DIAPH3: variants seen among roughly 807,000 people sequenced by gnomAD.
DIAPH3 encodes diaphanous related formin 3, also known as protein diaphanous homolog 3.
A neutral mutation model predicts 144.3 loss-of-function variants in DIAPH3; 117 were observed. The ratio of observed to expected loss-of-function variants is 0.81; its 90% CI spans 0.70 to 0.95. The LOEUF (loss-of-function observed/expected upper bound fraction) is 0.95. DIAPH3 is among the 40% of genes least tolerant of loss of function. The pLI is 0.00. For missense variants in DIAPH3, 1,421 were observed against 1,412.7 expected (o/e 1.01, Z -0.09); for synonymous variants, 519 against 488.9 (o/e 1.06, Z -0.81).
intron 8 of DIAPH3, 43 bp from the exon 9 acceptor site, chr13:60,008,692 C>G (rs751741262): frequency 1.7e-6 from 2 of 1,206,172 alleles, no homozygotes; most frequent in Non-Finnish European, 2.5e-6. Flanking sequence ...GTAGCAAACA[C>G]AAATGCCATA....
chr13:60,013,748 A>G (rs1043902553), intron 7 of DIAPH3, among the ~76,000 whole-genome samples: 1 of 152,170 alleles, frequency 6.6e-6, no homozygotes, highest in Admixed American at 6.5e-5. Context: ...GCTAATAAAG[A>G]CTGTATAAGT....
chr13:59,820,407 T>C (rs2041005759), intron 24 of DIAPH3, among the ~76,000 whole-genome samples: 1 of 151,958 alleles, frequency 6.6e-6, no homozygotes, highest in Non-Finnish European at 1.5e-5. Context: ...TTTACATATA[T>C]ATGCACATTG....
At position 59,773,875 on chromosome 13, in the gene DIAPH3, C is replaced by T. The variant is rs341549; in HGVS notation, c.3319+314G>A. On this transcript the variant is annotated intron_variant, in intron 27 of 27. Transcript: ENST00000400324. ...ATCTTGACATATAGTAAGTCCACTA[C>T]TTTAAAAAGTGTTATGAGAAAGAGT... 0.66 allele frequency among the ~76,000 whole-genome samples: 99,893 copies of T among 151,948 alleles called. 33,310 individuals carry two copies. The highest frequency in any genetic ancestry group is 0.72 in the East Asian group (3,707 of 5,156).
chr13:59,916,091 G>A lies in DIAPH3; in HGVS notation c.2265+64C>T, dbSNP rs753708431. On this transcript the variant is annotated intron_variant, in intron 19 of 27. Coordinates refer to ENST00000400324, the MANE Select transcript of DIAPH3 (RefSeq NM_001042517.2). ...GGTGAAGAATTTTGCTTCACTTACA[G>A]ATTTCTATTTAATGAGAAGCTTGCA... The A allele has an allele frequency of 1.4e-4, 198 of 1,423,178 alleles. 1 individual carries two copies. Among genetic ancestry groups the A allele is most frequent in the Non-Finnish European group, 1.9e-4 (194 of 1,008,520 alleles). The allele number at this position is 1,423,178 out of a possible 1,614,324, so 88.2% of individuals were successfully genotyped here.
intron 24 of DIAPH3, among the ~76,000 whole-genome samples, chr13:59,816,244 T>G (rs761756173): frequency 6.6e-6 from 1 of 152,074 alleles, no homozygotes; most frequent in Non-Finnish European, 1.5e-5. Flanking sequence ...AATCATTTCA[T>G]TAAAATTTGG....
intron 13 of DIAPH3, among the ~76,000 whole-genome samples, chr13:59,982,196 T>C (rs1474825446): frequency 6.6e-6 from 1 of 151,464 alleles, no homozygotes; most frequent in African/African-American, 2.4e-5. Context: ...GTAAATACAA[T>C]TAATTTATTA....
chr13:59,727,604 A>C (rs899247950), intron 27 of DIAPH3, among the ~76,000 whole-genome samples: 2 of 152,070 alleles, frequency 1.3e-5, no homozygotes, highest in Admixed American at 6.6e-5. Flanking sequence ...GCATTATGGG[A>C]TTTTGGAGAT....
At chr13:60,088,678 G>C (rs1437165420) in intron 4 of DIAPH3, among the ~76,000 whole-genome samples, 5 of 152,198 alleles carry the variant, frequency 3.3e-5, no homozygotes, top group African/African-American at 1.2e-4. Flanking sequence ...CTGTACTGCA[G>C]TGGCATGATC....
chr13:60,121,813 GTGATT>G (rs1256302898), intron 2 of DIAPH3, among the ~76,000 whole-genome samples: 2 of 152,160 alleles, frequency 1.3e-5, no homozygotes, highest in Non-Finnish European at 2.9e-5. Context: ...CTGCCGAAAG[GTGATT>G]TGAATTGTGA....
chr13:59,855,947 A>G (rs2043230385), intron 22 of DIAPH3, among the ~76,000 whole-genome samples: 2 of 152,036 alleles, frequency 1.3e-5, no homozygotes, highest in Admixed American at 6.6e-5. Flanking sequence ...AAGACAAAAC[A>G]AAAACTTGGT....
At chr13:60,031,598 G>A (rs749435440) in intron 5 of DIAPH3, among the ~76,000 whole-genome samples, 17 of 152,024 alleles carry the variant, frequency 1.1e-4, no homozygotes, top group Non-Finnish European at 2.5e-4. Context: ...TCAAAAACAA[G>A]TCATTTACTT....
intron 4 of DIAPH3, among the ~76,000 whole-genome samples, chr13:60,080,314 T>C (rs1490956527): frequency 6.6e-6 from 1 of 151,892 alleles, no homozygotes; most frequent in African/African-American, 2.4e-5. Flanking sequence ...AAAGCCCTAA[T>C]GTCCGTAACA....
intron 2 of DIAPH3, among the ~76,000 whole-genome samples, chr13:60,121,083 G>A (rs2058833641): frequency 6.6e-6 from 1 of 152,024 alleles, no homozygotes; most frequent in Non-Finnish European, 1.5e-5. Flanking sequence ...AATAACAAAG[G>A]TAATGACAAG....
In DIAPH3 at chr13:59,879,022, T is replaced by A. The variant is rs939076480; in HGVS notation, c.2607+207A>T. Among the ~76,000 whole-genome samples the A allele has an allele frequency of 3.3e-5, 5 of 152,212 alleles. No individual in the cohort carries two copies. In the South Asian group the frequency reaches 1.0e-3, roughly 32 times the overall value. ...TATTAAATAAAATCCTTGAATTGGA[T>A]TTGCAGATTGAAGAAAATTAATATT... On this transcript the variant is annotated intron_variant, in intron 21 of 27. Coordinates refer to ENST00000400324, the MANE Select transcript of DIAPH3 (RefSeq NM_001042517.2).
rs543844204 is a variant in DIAPH3, at chr13:59,823,359, TAAAC to T, written c.3027+9744_3027+9747del. On this transcript the variant is annotated intron_variant, in intron 24 of 27. Transcript: ENST00000400324. ...CCTGAAATTGATCTAATTCCTTAAA[TAAAC>T]AAATACTAAAGGATAATAAGAAAAA... 3.8e-4 allele frequency among the ~76,000 whole-genome samples: 58 copies of T among 152,290 alleles called. 1 individual carries two copies. Among genetic ancestry groups the T allele is most frequent in the African/African-American group, 1.3e-3 (56 of 41,564 alleles).
chr13:60,118,090 G>A (rs1390854938), intron 2 of DIAPH3, among the ~76,000 whole-genome samples: 1 of 152,038 alleles, frequency 6.6e-6, no homozygotes, highest in Non-Finnish European at 1.5e-5. Context: ...TGTGTCTGGG[G>A]TACACTAAGT....
intron 27 of DIAPH3, among the ~76,000 whole-genome samples, chr13:59,711,724 A>G (rs1342092114): frequency 6.6e-6 from 1 of 152,220 alleles, no homozygotes; most frequent in Non-Finnish European, 1.5e-5. Flanking sequence ...CTATGTTCCT[A>G]TATTAGGTGA....
chr13:60,096,688 T>G (rs1052024192), intron 3 of DIAPH3, among the ~76,000 whole-genome samples: 5 of 152,152 alleles, frequency 3.3e-5, no homozygotes, highest in African/African-American at 9.7e-5. Flanking sequence ...AGGCTAAGTC[T>G]CCCTCTCTCT....
At chr13:59,984,047 A>G (rs1365477957) in intron 12 of DIAPH3, among the ~76,000 whole-genome samples, 160 bp from the exon 13 acceptor site, 2 of 151,790 alleles carry the variant, frequency 1.3e-5, no homozygotes, top group East Asian at 3.9e-4. Context: ...GAGAGTAAAT[A>G]CAATTGTCAT....
Sources: gnomAD v4.1 joint callset for allele counts (sites outside exome capture counted in the v4.1 genomes callset) on GRCh38, gnomAD v4.1.1 for gene constraint, MANE v1.5 for transcripts, NCBI Gene and HGNC (gene_info 2026-07-23, HGNC 2026-07-21) for gene names.